The following CLSTN1 variants were observed in gnomAD, a reference collection of about 807,000 sequenced individuals.
The protein encoded by CLSTN1 is calsyntenin 1, also known as calsyntenin-1.
Under a neutral mutation model 108.3 loss-of-function variants are expected in CLSTN1, and 28 were observed. The observed-to-expected ratio is 0.26, with a 90% CI of 0.19 to 0.35. The LOEUF (loss-of-function observed/expected upper bound fraction) is 0.35. Among genes scored for constraint, CLSTN1 ranks in the 10% least tolerant of loss-of-function variants. The pLI, the probability that CLSTN1 is intolerant of heterozygous loss-of-function variation, is 1.00. For synonymous variants in CLSTN1, 524 were observed against 534.9 expected (o/e 0.98, Z 0.28); for missense variants, 1,157 against 1,302.6 (o/e 0.89, Z 1.72).
chr1:9,816,835 T>A (rs1201379239), intron 1 of CLSTN1, among the ~76,000 whole-genome samples: 1 of 152,158 alleles, frequency 6.6e-6, no homozygotes, highest in Non-Finnish European at 1.5e-5. Flanking sequence ...TTAGTAGAGA[T>A]GGGGTTTCTC....
chr1:9,756,597 T>G, intron 2 of CLSTN1, 87 bp from the exon 3 acceptor site: 63 of 1,065,742 alleles, frequency 5.9e-5, no homozygotes, highest in Middle Eastern at 2.1e-4. Context: ...AAGGTGCACA[T>G]ATTACACATT....
At chr1:9,772,656 C>T (rs1320087629) in intron 2 of CLSTN1, among the ~76,000 whole-genome samples, 1 of 152,140 alleles carries the variant, frequency 6.6e-6, no homozygotes, top group Admixed American at 6.6e-5. Flanking sequence ...GCAATGTACA[C>T]GGTTATTACA....
intron 1 of CLSTN1, among the ~76,000 whole-genome samples, chr1:9,793,671 C>T (rs542888949): frequency 6.6e-6 from 1 of 151,630 alleles, no homozygotes; most frequent in African/African-American, 2.4e-5. Flanking sequence ...CTCTGTATGT[C>T]CCGCCTCGGG....
chr1:9,801,626 C>G (rs1024387886), intron 1 of CLSTN1, among the ~76,000 whole-genome samples: 1 of 152,160 alleles, frequency 6.6e-6, no homozygotes, highest in Non-Finnish European at 1.5e-5. Context: ...ACGATCTCGG[C>G]TCACTGCAAC....
chr1:9,737,587 G>A, intron 10 of CLSTN1, 33 bp from the exon 11 acceptor site: 1 of 1,601,000 alleles, frequency 6.2e-7, no homozygotes, highest in Non-Finnish European at 8.6e-7. Context: ...CAATAGAAAA[G>A]GACTGAGAGG....
At chr1:9,753,719 G>A (rs1651671863) in intron 4 of CLSTN1, among the ~76,000 whole-genome samples, 1 of 152,088 alleles carries the variant, frequency 6.6e-6, no homozygotes, top group Non-Finnish European at 1.5e-5. Flanking sequence ...ATGAACTCCT[G>A]ACCTCAGGTG....
At chr1:9,752,410 A>G (rs1192564220) in intron 4 of CLSTN1, among the ~76,000 whole-genome samples, 2 of 152,212 alleles carry the variant, frequency 1.3e-5, no homozygotes, top group Non-Finnish European at 2.9e-5. Context: ...AAGGGAAACA[A>G]TAACATTACA....
rs7556545 is a variant in CLSTN1, at chr1:9,780,202, A to C, written c.92-6808T>G. 6.2e-3 allele frequency among the ~76,000 whole-genome samples: 928 copies of C among 149,790 alleles called. 13 individuals carry two copies. The highest frequency in any genetic ancestry group is 0.022 in the African/African-American group (881 of 39,672). On this transcript the variant is annotated intron_variant, in intron 1 of 18. Transcript: ENST00000377298. Reference sequence around the variant, plus strand: ...AAAATTGCTAGTTCAATTTGCCACTAATCAAATTAATATTCGATTCCAATT... The same window carrying C: ...AAAATTGCTAGTTCAATTTGCCACTCATCAAATTAATATTCGATTCCAATT...
chr1:9,802,564 G>A (rs1330439919), intron 1 of CLSTN1, among the ~76,000 whole-genome samples: 1 of 152,142 alleles, frequency 6.6e-6, no homozygotes, highest in Non-Finnish European at 1.5e-5. Flanking sequence ...AACTGTACAT[G>A]AGAGAGGTAC....
intron 1 of CLSTN1, among the ~76,000 whole-genome samples, chr1:9,810,071 A>G (rs566493378): frequency 5.6e-4 from 68 of 122,024 alleles, no homozygotes; most frequent in African/African-American, 2.1e-3. Context: ...AAAGAGAGGG[A>G]GAGAGAGAGA....
At chr1:9,798,055 C>G (rs1471596071) in intron 1 of CLSTN1, among the ~76,000 whole-genome samples, 1 of 150,126 alleles carries the variant, frequency 6.7e-6, no homozygotes, top group Non-Finnish European at 1.5e-5. Flanking sequence ...GATGGTGCCA[C>G]TGCACTCCAG....
chr1:9,744,293 C>A, intron 8 of CLSTN1, 102 bp downstream of exon 8: 1 of 1,484,428 alleles, frequency 6.7e-7, no homozygotes, highest in Non-Finnish European at 9.0e-7. Context: ...CCTACGAGCA[C>A]CAGGCTGGCA....
intron 2 of CLSTN1, among the ~76,000 whole-genome samples, chr1:9,763,074 G>A (rs1485340898): frequency 6.6e-6 from 1 of 152,014 alleles, no homozygotes; most frequent in East Asian, 1.9e-4. Context: ...TGATTCCTGT[G>A]CCTCAGCCTC....
At chr1:9,769,705 G>GT (rs932249647) in intron 2 of CLSTN1, among the ~76,000 whole-genome samples, 4 of 152,170 alleles carry the variant, frequency 2.6e-5, no homozygotes, top group African/African-American at 9.7e-5. Context: ...CAGGTGCATG[G>GT]TTTTTGGAAC....
At chr1:9,751,920 C>A (rs1651577318) in intron 4 of CLSTN1, among the ~76,000 whole-genome samples, 1 of 151,576 alleles carries the variant, frequency 6.6e-6, no homozygotes. Flanking sequence ...TCTTCCATAT[C>A]CTAAGAATAA....
Position 9,734,146 on chromosome 1 carries a change from C to A in CLSTN1, c.2111-4G>T, listed in dbSNP as rs371204660. The A allele has an allele frequency of 3.1e-6, 5 of 1,613,710 alleles. No homozygotes were observed. The highest frequency in any genetic ancestry group is 4.2e-6 in the Non-Finnish European group (5 of 1,179,806). ...TCGGACACCAGTGATTCTTGAACTG[C>A]AAAAGAGGCCCAACCAGAAATATTA... is the stretch of plus-strand genomic sequence containing the variant. On this transcript the variant is annotated splice_region_variant and splice_polypyrimidine_tract_variant and intron_variant, in intron 14 of 18. Transcript: ENST00000377298. The surrounding 1 kb of genome is among the most constrained non-coding windows in gnomAD (Gnocchi z 4.8).
intron 2 of CLSTN1, among the ~76,000 whole-genome samples, chr1:9,756,777 C>A (rs1651827175): frequency 6.6e-6 from 1 of 151,762 alleles, no homozygotes; most frequent in Non-Finnish European, 1.5e-5. Flanking sequence ...CCTCAGGGGT[C>A]ATTAGGATTT....
At position 9,751,544 on chromosome 1, in the gene CLSTN1, G is replaced by C; in HGVS notation, c.578C>G (p.Ser193Cys). Reference sequence around the variant, plus strand: ...GCTGCAAATCTGGCTGAACTGAGGGGAGCAGTCGGCATCCACGGCCTCCAC... The same window carrying C: ...GCTGCAAATCTGGCTGAACTGAGGGCAGCAGTCGGCATCCACGGCCTCCAC... ...LRVEAVDADC[S>C]PQFSQICSYE... The change falls in exon 5 of 19, where the codon TCC (serine) becomes TGC (cysteine). Residue 193 changes from serine to cysteine, a missense_variant. Physicochemically the swap from Ser to Cys is moderately radical, Grantham distance 112 (BLOSUM62 -1). Coordinates refer to ENST00000377298, the MANE Select transcript of CLSTN1 (RefSeq NM_001009566.3). The C allele has an allele frequency of 6.2e-7, 1 of 1,614,148 alleles. No homozygotes were observed. Among genetic ancestry groups the C allele is most frequent in the South Asian group, 1.1e-5 (1 of 91,072 alleles).
chr1:9,733,249 G>A, intron 16 of CLSTN1, 152 bp downstream of exon 16: 1 of 874,640 alleles, frequency 1.1e-6, no homozygotes, highest in Non-Finnish European at 1.7e-6. Context: ...CCTGCAGCAG[G>A]CCCCAGGCTG....
Sources: allele counts gnomAD v4.1 joint callset (sites outside exome capture counted in the v4.1 genomes callset), GRCh38; gene constraint gnomAD v4.1.1; non-coding constraint Gnocchi (gnomAD v3.1); transcripts MANE v1.5; gene names NCBI Gene and HGNC (gene_info 2026-07-23, HGNC 2026-07-21).